PTPRD: variants seen among roughly 807,000 people sequenced by gnomAD.
The protein encoded by PTPRD is receptor-type tyrosine-protein phosphatase delta.
Under a neutral mutation model 214.5 loss-of-function variants are expected in PTPRD, and 34 were observed. The ratio of observed to expected loss-of-function variants is 0.16; its 90% CI spans 0.12 to 0.21. PTPRD has a LOEUF of 0.21. Ranked by LOEUF, PTPRD falls within the 10% of genes least tolerant of loss-of-function variation. The pLI is 1.00. For synonymous variants in PTPRD, 1,128 were observed against 845.7 expected, an observed-to-expected ratio of 1.33 and a Z score of -5.79; for missense variants, 2,545 against 2,398.7, an observed-to-expected ratio of 1.06 and a Z score of -1.27.
chr9:9,403,490 G>C (rs1368552712), intron 8 of PTPRD, among the ~76,000 whole-genome samples: 1 of 150,802 alleles, frequency 6.6e-6, no homozygotes, highest in Admixed American at 6.6e-5. Context: ...TGAAAGCACT[G>C]CATAATCACT....
At chr9:9,261,290 T>C (rs2099980006) in intron 9 of PTPRD, among the ~76,000 whole-genome samples, 2 of 151,842 alleles carry the variant, frequency 1.3e-5, no homozygotes, top group African/African-American at 2.4e-5. Flanking sequence ...AGAATGTTTA[T>C]TTTATTTTAT....
chr9:8,600,640 T>C (rs1171245430), intron 14 of PTPRD, among the ~76,000 whole-genome samples: 5 of 151,862 alleles, frequency 3.3e-5, no homozygotes, highest in African/African-American at 4.8e-5. Flanking sequence ...GTCCCTGATA[T>C]TTCTAGACAC....
chr9:8,340,531 C>A (rs1258160431), intron 41 of PTPRD, 62 bp from the exon 42 acceptor site: 6 of 1,440,564 alleles, frequency 4.2e-6, no homozygotes, highest in Non-Finnish European at 5.6e-6. Context: ...AAAGCTCACA[C>A]TGGATACATA....
chr9:8,649,065 G>A (rs2096752947), intron 12 of PTPRD, among the ~76,000 whole-genome samples: 1 of 152,104 alleles, frequency 6.6e-6, no homozygotes, highest in Non-Finnish European at 1.5e-5. Context: ...AACTGAAGTG[G>A]GAAAGAAAGA....
At chr9:8,803,967 C>A (rs559382952) in intron 11 of PTPRD, among the ~76,000 whole-genome samples, 1 of 151,816 alleles carries the variant, frequency 6.6e-6, no homozygotes, top group African/African-American at 2.4e-5. Context: ...CCTCCACCCC[C>A]CCACAGACGG....
chr9:10,133,667 G>A (rs114024800), intron 3 of PTPRD, among the ~76,000 whole-genome samples: 2,688 of 152,062 alleles, frequency 0.018, 87 homozygotes, highest in African/African-American at 0.061. Context: ...ATGTAAAGTA[G>A]AAAAACAAGT....
chr9:9,014,174 C>T (rs2099523523), intron 11 of PTPRD, among the ~76,000 whole-genome samples: 1 of 138,322 alleles, frequency 7.2e-6, no homozygotes, highest in African/African-American at 2.8e-5. Flanking sequence ...ATGCTATTAC[C>T]TCGTTTTTTT....
At chr9:10,145,930 T>C (rs1349924163) in intron 3 of PTPRD, among the ~76,000 whole-genome samples, 1 of 151,652 alleles carries the variant, frequency 6.6e-6, no homozygotes, top group African/African-American at 2.4e-5. Context: ...AAATATAGTG[T>C]ATATGTATGC....
intron 9 of PTPRD, among the ~76,000 whole-genome samples, chr9:9,371,350 T>G (rs1047511751): frequency 5.9e-5 from 9 of 152,194 alleles, no homozygotes; most frequent in African/African-American, 2.2e-4. Flanking sequence ...GGAGGTTGTA[T>G]GTGTCGAGGA....
intron 44 of PTPRD, among the ~76,000 whole-genome samples, chr9:8,324,419 A>G (rs1457477536): frequency 1.3e-5 from 2 of 152,278 alleles, no homozygotes; most frequent in African/African-American, 4.8e-5. Flanking sequence ...GTCCCTGCAA[A>G]GGACATGAAC....
At chr9:8,953,451 G>C (rs1436059754) in intron 11 of PTPRD, among the ~76,000 whole-genome samples, 2 of 151,856 alleles carry the variant, frequency 1.3e-5, no homozygotes, top group Non-Finnish European at 2.9e-5. Flanking sequence ...CAAAGAATTT[G>C]TAGCTAAGCC....
At chr9:8,920,107 G>A (rs927368013) in intron 11 of PTPRD, among the ~76,000 whole-genome samples, 3 of 152,180 alleles carry the variant, frequency 2.0e-5, no homozygotes, top group East Asian at 3.9e-4. Context: ...TTGGGAGACC[G>A]AGGTGGTCAG....
intron 3 of PTPRD, among the ~76,000 whole-genome samples, chr9:10,150,574 T>A (rs73394278): frequency 6.6e-6 from 1 of 151,708 alleles, no homozygotes; most frequent in Non-Finnish European, 1.5e-5. Flanking sequence ...GACCAGTTAA[T>A]GTGCAGCACA....
chr9:8,799,044 T>C (rs1473337739), intron 11 of PTPRD, among the ~76,000 whole-genome samples: 1 of 152,164 alleles, frequency 6.6e-6, no homozygotes, highest in Non-Finnish European at 1.5e-5. Flanking sequence ...TTATCCTAGA[T>C]ACTATATTAA....
At chr9:8,358,182 C>T (rs957023260) in intron 39 of PTPRD, among the ~76,000 whole-genome samples, 6 of 152,100 alleles carry the variant, frequency 3.9e-5, no homozygotes, top group Non-Finnish European at 7.4e-5. Flanking sequence ...TCTCCAACCA[C>T]GTATCTCTAA....
chr9:9,702,547 G>T (rs374422321), intron 7 of PTPRD, among the ~76,000 whole-genome samples: 1 of 152,190 alleles, frequency 6.6e-6, no homozygotes, highest in Non-Finnish European at 1.5e-5. Flanking sequence ...ATAGATTTCA[G>T]GTGGATAGTT....
chr9:8,583,944 G>T (rs2093412466), intron 14 of PTPRD, among the ~76,000 whole-genome samples: 1 of 152,240 alleles, frequency 6.6e-6, no homozygotes, highest in Non-Finnish European at 1.5e-5. Flanking sequence ...TTGAGCTTAG[G>T]CGTTTGAGAT....
intron 3 of PTPRD, among the ~76,000 whole-genome samples, chr9:10,208,427 G>A (rs112293229): frequency 6.6e-6 from 1 of 151,692 alleles, no homozygotes; most frequent in Non-Finnish European, 1.5e-5. Flanking sequence ...GGCAGGAGAA[G>A]GGCGTGAACC....
intron 5 of PTPRD, among the ~76,000 whole-genome samples, chr9:9,814,053 T>C (rs184713445): frequency 3.8e-4 from 58 of 152,252 alleles, no homozygotes; most frequent in Non-Finnish European, 7.2e-4. Context: ...AAATATCACA[T>C]GATCTCAATA....
Sources: allele counts gnomAD v4.1 joint callset (sites outside exome capture counted in the v4.1 genomes callset), GRCh38; gene constraint gnomAD v4.1.1; transcripts MANE v1.5; gene names NCBI Gene and HGNC (gene_info 2026-07-23, HGNC 2026-07-21).